Variants in APC observed in about 807,000 individuals in gnomAD.
The protein encoded by APC is APC regulator of Wnt signaling pathway.
In APC, 72 loss-of-function variants were observed where a neutral mutation model predicts 247.0. That is an observed-to-expected ratio of 0.29 (90% CI 0.24 to 0.35). APC has a LOEUF of 0.35. Among genes scored for constraint, APC ranks in the 10% least tolerant of loss-of-function variants. The pLI is 1.00. For synonymous variants in APC, 1,254 were observed against 1,162.5 expected (o/e 1.08, Z -1.60); for missense variants, 3,400 against 3,360.7 (o/e 1.01, Z -0.29).
chr5:112,755,157 A>G (rs1339947866), intron 2 of APC, 132 bp downstream of exon 2: 12 of 1,272,000 alleles, frequency 9.4e-6, no homozygotes, highest in Non-Finnish European at 1.2e-5. Context: ...TCTTTCTTGC[A>G]AAAGTTAGCA....
intron 6 of APC, among the ~76,000 whole-genome samples, chr5:112,782,396 T>A (rs1053856098): frequency 3.9e-5 from 6 of 152,090 alleles, no homozygotes; most frequent in Non-Finnish European, 5.9e-5. Flanking sequence ...AGCCTAAACA[T>A]AATGTATATT....
rs768492450 is a variant in APC at position 112,767,247 on chromosome 5, C to G, written c.279C>G (p.Leu93=). ...PGVKLRSKMS[L]RSYGSREGSV... Reference sequence around the variant, plus strand: ...TAAAACTGCGGTCAAAAATGTCCCTCCGTTCTTATGGAAGCCGGGAAGGAT... The same window carrying G: ...TAAAACTGCGGTCAAAAATGTCCCTGCGTTCTTATGGAAGCCGGGAAGGAT... Residue 93 remains leucine (L), a synonymous_variant, in exon 4 of 16, where the codon CTC becomes CTG. Transcript: ENST00000257430. 2 of 1,614,038 alleles carry G rather than the reference C, an allele frequency of 1.2e-6. No individual in the cohort carries two copies. The highest frequency in any genetic ancestry group is 1.3e-5 in the African/African-American group (1 of 74,924).
At chr5:112,801,878 G>T (rs1760870589) in intron 8 of APC, among the ~76,000 whole-genome samples, 1 of 151,894 alleles carries the variant, frequency 6.6e-6, no homozygotes, top group Middle Eastern at 3.5e-3. Context: ...AAGGCAACAT[G>T]GCCTAATTAT....
chr5:112,788,127 C>CT (rs1394131701), intron 6 of APC, among the ~76,000 whole-genome samples: 3 of 152,136 alleles, frequency 2.0e-5, no homozygotes, highest in Non-Finnish European at 4.4e-5. Context: ...TATTTCTGGA[C>CT]TTTCTTCTGT....
chr5:112,813,516 C>T (rs189589777), intron 8 of APC, among the ~76,000 whole-genome samples: 21 of 152,212 alleles, frequency 1.4e-4, no homozygotes, highest in Admixed American at 3.3e-4. Flanking sequence ...AAAATCCTGA[C>T]GAATCACTTA....
chr5:112,835,099 T>G lies in APC; in HGVS notation c.1892T>G (p.Ile631Ser). The stretch of plus-strand genomic sequence containing the variant: ...CGGAGCCAGACAAACACTTTAGCCA[T>G]TATTGAAAGTGGAGGTGGGATATTA... ...TYRSQTNTLA[I>S]IESGGGILRN... Residue 631 changes from isoleucine to serine, a missense_variant, in exon 15 of 16, where the codon ATT becomes AGT. Physicochemically the swap from Ile to Ser is moderately radical, Grantham distance 142 (BLOSUM62 -2). Transcript: ENST00000257430. 1 of 1,614,130 alleles carries G rather than the reference T, an allele frequency of 6.2e-7. No homozygotes were observed. Among genetic ancestry groups the G allele is most frequent in the Non-Finnish European group, 8.5e-7 (1 of 1,180,004 alleles).
chr5:112,775,450 A>G (rs1440604633), intron 4 of APC, among the ~76,000 whole-genome samples, 179 bp from the exon 5 acceptor site: 6 of 152,104 alleles, frequency 3.9e-5, no homozygotes, highest in African/African-American at 1.2e-4. Flanking sequence ...TCTAATTTTA[A>G]TGACTGTAAT....
chr5:112,836,178 C>CTT lies in APC; in HGVS notation c.1958+1013_1958+1014insTT, dbSNP rs1206620683. On this transcript the variant is annotated intron_variant, in intron 15 of 15. Coordinates refer to ENST00000257430, the MANE Select transcript of APC (RefSeq NM_000038.6). ...TGGGATTACAGGTCCCCCCCCCCCC[C>CTT]CGCCACCGTGCCCGGCTAATTTTTA... Among the ~76,000 whole-genome samples the CTT allele has an allele frequency of 2.4e-3, 209 of 88,090 alleles. 4 individuals carry two copies. Among genetic ancestry groups the CTT allele is most frequent in the East Asian group, 0.011 (21 of 1,874 alleles). 57.8% of individuals were successfully genotyped at this position (88,090 alleles called of 152,430 possible).
At chr5:112,714,397 T>C (rs890497681) in intron 1 of APC, among the ~76,000 whole-genome samples, 9 of 152,256 alleles carry the variant, frequency 5.9e-5, no homozygotes, top group Admixed American at 1.3e-4. Context: ...GATTGATCTA[T>C]ATTCTTACAT....
intron 1 of APC, among the ~76,000 whole-genome samples, chr5:112,750,098 G>A (rs778444184): frequency 1.3e-5 from 2 of 151,312 alleles, no homozygotes; most frequent in Non-Finnish European, 2.9e-5. Flanking sequence ...AAGTAGCTGA[G>A]ATTACAGGCA....
chr5:112,731,607 C>T (rs965698479), intron 1 of APC, among the ~76,000 whole-genome samples: 9 of 152,310 alleles, frequency 5.9e-5, no homozygotes, highest in African/African-American at 1.7e-4. Context: ...GGGGGACATA[C>T]TCAAATCGTG....
chr5:112,761,816 T>C (rs952869650), intron 2 of APC, among the ~76,000 whole-genome samples: 3 of 152,198 alleles, frequency 2.0e-5, no homozygotes, highest in Non-Finnish European at 2.9e-5. Context: ...GATAATCTTA[T>C]CTATGTGGCC....
At chr5:112,760,358 C>T (rs778621998) in intron 2 of APC, among the ~76,000 whole-genome samples, 1 of 152,100 alleles carries the variant, frequency 6.6e-6, no homozygotes, top group Non-Finnish European at 1.5e-5. Context: ...AGACTAGAAA[C>T]GCAGAATGTT....
chr5:112,719,916 A>T (rs1450075786), intron 1 of APC, among the ~76,000 whole-genome samples: 2 of 152,194 alleles, frequency 1.3e-5, no homozygotes, highest in African/African-American at 4.8e-5. Flanking sequence ...TATTTAATTT[A>T]AATTTTTTTT....
At chr5:112,770,229 C>G (rs6866838) in intron 4 of APC, among the ~76,000 whole-genome samples, 3,764 of 152,206 alleles carry the variant, frequency 0.025, 171 homozygotes, top group African/African-American at 0.087. Context: ...TCTGTCTTGA[C>G]ATTATTTCTT....
In APC at chr5:112,840,544, C is replaced by T. The variant is rs2149928284; in HGVS notation, c.4950C>T (p.Asn1650=). The change falls in exon 16 of 16, where the codon AAC becomes AAT. Residue 1650 remains asparagine, a synonymous_variant. Transcript: ENST00000257430. The surrounding 1 kb of genome is among the most constrained non-coding windows in gnomAD (Gnocchi z 4.1). The part of the protein sequence containing the change: ...RVYCVEGTPI[N]FSTATSLSDL... Reference sequence around the variant, plus strand: ...ATTGTGTTGAAGGGACACCTATAAACTTTTCCACAGCTACATCTCTAAGTG... The same window carrying T: ...ATTGTGTTGAAGGGACACCTATAAATTTTTCCACAGCTACATCTCTAAGTG... 6.2e-7 allele frequency: 1 copy of T among 1,614,158 alleles called. No individual in the cohort carries two copies. Among genetic ancestry groups the T allele is most frequent in the Non-Finnish European group, 8.5e-7 (1 of 1,180,014 alleles).
At chr5:112,832,957 ATGTT>A (rs1039286190) in intron 14 of APC, among the ~76,000 whole-genome samples, 7 of 151,830 alleles carry the variant, frequency 4.6e-5, no homozygotes, top group Admixed American at 4.6e-4. Context: ...TTTCTAATTA[ATGTT>A]TGTTTCCTGA....
intron 14 of APC, among the ~76,000 whole-genome samples, chr5:112,831,370 G>A (rs1764282648): frequency 6.6e-6 from 1 of 152,198 alleles, no homozygotes; most frequent in Non-Finnish European, 1.5e-5. Flanking sequence ...GCCTTCCAAA[G>A]TGCTGGGATT....
At chr5:112,768,120 T>C (rs1015936792) in intron 4 of APC, among the ~76,000 whole-genome samples, 1 of 150,968 alleles carries the variant, frequency 6.6e-6, no homozygotes. Flanking sequence ...CTCGGCTCAC[T>C]GCAACCTCTG....
Sources: allele counts gnomAD v4.1 joint callset (sites outside exome capture counted in the v4.1 genomes callset), GRCh38; gene constraint gnomAD v4.1.1; non-coding constraint Gnocchi (gnomAD v3.1); transcripts MANE v1.5; gene names NCBI Gene and HGNC (gene_info 2026-07-23, HGNC 2026-07-21).